The following ENKUR variants were observed in gnomAD, a reference collection of about 807,000 sequenced individuals.
The protein encoded by ENKUR is enkurin, TRPC channel interacting protein, also known as enkurin.
A neutral mutation model predicts 27.6 loss-of-function variants in ENKUR; 19 were observed. The ratio of observed to expected loss-of-function variants is 0.69; its 90% CI spans 0.48 to 1.01. The LOEUF is 1.01. Ranked by LOEUF, ENKUR falls within the 50% of genes least tolerant of loss-of-function variation. ENKUR has a pLI of 0.00. For missense variants in ENKUR, 312 were observed against 310.5 expected (o/e 1.00, Z -0.04); for synonymous variants, 117 against 96.9 (o/e 1.21, Z -1.22).
intron 2 of ENKUR, among the ~76,000 whole-genome samples, chr10:24,997,591 G>C (rs1405793335): frequency 2.6e-5 from 4 of 151,840 alleles, no homozygotes; most frequent in Admixed American, 2.6e-4. Context: ...GTCTCACTTT[G>C]TTGCTCAGGC....
At chr10:24,989,181 CA>C (rs1849870833) in intron 4 of ENKUR, among the ~76,000 whole-genome samples, 1 of 152,084 alleles carries the variant, frequency 6.6e-6, no homozygotes, top group Admixed American at 6.5e-5. Context: ...TGGGAAAATC[CA>C]AATGAGAGAG....
intron 2 of ENKUR, among the ~76,000 whole-genome samples, chr10:25,033,720 CAG>C (rs960138263): frequency 2.0e-5 from 3 of 152,036 alleles, no homozygotes; most frequent in African/African-American, 7.2e-5. Flanking sequence ...CAAGAAAAAA[CAG>C]TGAAAGTGCA....
At chr10:25,060,561 T>A (rs1030292080) in intron 2 of ENKUR, among the ~76,000 whole-genome samples, 2 of 152,216 alleles carry the variant, frequency 1.3e-5, no homozygotes, top group Non-Finnish European at 2.9e-5. Flanking sequence ...CGATGCCGTT[T>A]TCCAAGAGGG....
At chr10:24,997,608 C>T (rs190095118) in intron 2 of ENKUR, among the ~76,000 whole-genome samples, 147 of 152,048 alleles carry the variant, frequency 9.7e-4, no homozygotes, top group African/African-American at 3.4e-3. Flanking sequence ...AGGCTGGTCT[C>T]GTACTCCTGG....
chr10:25,039,979 C>T (rs1339776010), intron 2 of ENKUR, among the ~76,000 whole-genome samples: 2 of 147,140 alleles, frequency 1.4e-5, no homozygotes, highest in African/African-American at 2.5e-5. Flanking sequence ...GGAGTCTGGG[C>T]CTTGGTGCTG....
intron 4 of ENKUR, among the ~76,000 whole-genome samples, chr10:24,987,355 C>T (rs1198720130): frequency 6.6e-6 from 1 of 152,080 alleles, no homozygotes; most frequent in African/African-American, 2.4e-5. Flanking sequence ...CATAAATTCT[C>T]TTCAGTGGCC....
intron 4 of ENKUR, among the ~76,000 whole-genome samples, chr10:24,988,924 G>C (rs1468286248): frequency 6.6e-6 from 1 of 151,630 alleles, no homozygotes; most frequent in Non-Finnish European, 1.5e-5. Context: ...GCCAGCCGGT[G>C]GCTTTGTTAC....
chr10:25,008,112 G>C (rs1039140798), intron 1 of ENKUR, among the ~76,000 whole-genome samples: 1 of 151,650 alleles, frequency 6.6e-6, no homozygotes, highest in Non-Finnish European at 1.5e-5. Context: ...CTAGCCAGAT[G>C]AAAAATACAT....
At chr10:25,038,816 A>T (rs985971056) in intron 2 of ENKUR, among the ~76,000 whole-genome samples, 9 of 152,234 alleles carry the variant, frequency 5.9e-5, no homozygotes, top group Admixed American at 3.9e-4. Flanking sequence ...AATGAATGGT[A>T]AAAGGTATCT....
chr10:25,041,187 G>C (rs1485386223), intron 2 of ENKUR, among the ~76,000 whole-genome samples: 1 of 152,070 alleles, frequency 6.6e-6, no homozygotes, highest in Non-Finnish European at 1.5e-5. Context: ...AATTTTTCAT[G>C]CTGCCCTTCT....
chr10:25,061,042 A>G, intron 2 of ENKUR: 1 of 1,414,378 alleles, frequency 7.1e-7, no homozygotes, highest in Admixed American at 2.0e-5. Flanking sequence ...AGACAAGGAT[A>G]TCTCTAAGGC....
Position 24,988,684 on chromosome 10 carries a change from A to G in ENKUR, c.594+1779T>C, listed in dbSNP as rs1175808471. On this transcript the variant is annotated intron_variant, in intron 4 of 5. Transcript: ENST00000331161. Reference sequence around the variant, plus strand: ...CATATGTATATATATATATATATATATATATATATATATATATATATATAT... The same window carrying G: ...CATATGTATATATATATATATATATGTATATATATATATATATATATATAT... Among the ~76,000 whole-genome samples, 64 of 9,058 alleles carry G rather than the reference A, an allele frequency of 7.1e-3. 3 individuals carry two copies. The highest frequency in any genetic ancestry group is 0.022 in the African/African-American group (49 of 2,178). The allele number at this position is 9,058 out of a possible 152,430, so 5.9% of individuals were successfully genotyped here. A position where few individuals can be genotyped will look rare whatever the true frequency, so the allele number is the denominator to read the frequency against.
chr10:25,055,921 CGTT>C (rs111480794), intron 2 of ENKUR, among the ~76,000 whole-genome samples: 4,779 of 152,196 alleles, frequency 0.031, 165 homozygotes, highest in African/African-American at 0.088. Flanking sequence ...CTTCTGCAGT[CGTT>C]GTTTTCTGCT....
Position 25,016,029 on chromosome 10 carries a change from T to C in ENKUR, c.-93A>G. On this transcript the variant is annotated 5_prime_UTR_variant, in exon 1 of 6. Transcript: ENST00000331161. ...CCTTTCTTCACTGCTTCCCCTTTCT[T>C]TCTTCTTCGCCTTCTGAAGGACCAC... 1.3e-6 allele frequency: 2 copies of C among 1,509,822 alleles called. No individual in the cohort carries two copies. Among genetic ancestry groups the C allele is most frequent in the Non-Finnish European group, 1.8e-6 (2 of 1,127,528 alleles). The allele number at this position is 1,509,822 out of a possible 1,614,324, so 93.5% of individuals were successfully genotyped here. A position where few individuals can be genotyped will look rare whatever the true frequency, so the allele number is the denominator to read the frequency against.
chr10:25,001,807 C>A (rs561293178), intron 1 of ENKUR, among the ~76,000 whole-genome samples: 42 of 152,224 alleles, frequency 2.8e-4, no homozygotes, highest in Middle Eastern at 6.8e-3. Context: ...GTTTTAAGGT[C>A]TTGTCTACTG....
intron 1 of ENKUR, among the ~76,000 whole-genome samples, chr10:25,010,551 G>A (rs1433202339): frequency 7.3e-5 from 11 of 151,270 alleles, no homozygotes; most frequent in African/African-American, 2.7e-4. Flanking sequence ...CCATTAACTC[G>A]TCATTTAGCA....
chr10:25,024,897 A>G lies in ENKUR; in HGVS notation c.38-29028T>C, dbSNP rs1476362652. ...ATCTAAGGGAAAGAAAACTAGCACAAACCTTTTCACCGTCAATAGATATTC... is the reference window on the plus strand; with the variant it reads ...ATCTAAGGGAAAGAAAACTAGCACAGACCTTTTCACCGTCAATAGATATTC... On this transcript the variant is annotated intron_variant, in intron 2 of 5. Coordinates refer to the ENKUR transcript ENST00000615958. 7.4e-6 allele frequency: 12 copies of G among 1,613,796 alleles called. No individual in the cohort carries two copies. In the African/African-American group the frequency reaches 1.1e-4, roughly 14 times the overall value.
intron 2 of ENKUR, among the ~76,000 whole-genome samples, chr10:25,045,884 G>T (rs1260713993): frequency 6.6e-6 from 1 of 152,106 alleles, no homozygotes; most frequent in Non-Finnish European, 1.5e-5. Flanking sequence ...TCTACCAAAG[G>T]TGTCTTCAGA....
chr10:25,023,311 C>T, intron 2 of ENKUR: 1 of 1,614,088 alleles, frequency 6.2e-7, no homozygotes, highest in Non-Finnish European at 8.5e-7. Context: ...TAAACATGCA[C>T]AGCGATTTCT....
Sources: allele counts gnomAD v4.1 joint callset (sites outside exome capture counted in the v4.1 genomes callset), GRCh38; gene constraint gnomAD v4.1.1; transcripts MANE v1.5; gene names NCBI Gene and HGNC (gene_info 2026-07-23, HGNC 2026-07-21).